Variants in CCDC30 observed in about 807,000 individuals in gnomAD.
CCDC30 encodes coiled-coil domain containing 30.
In CCDC30, 70 loss-of-function variants were observed where a neutral mutation model predicts 100.2. The observed-to-expected ratio is 0.70, with a 90% CI of 0.58 to 0.85. The LOEUF (loss-of-function observed/expected upper bound fraction) is 0.85, where lower values mean the gene tolerates loss of function less well. Among genes scored for constraint, CCDC30 ranks in the 40% least tolerant of loss-of-function variants. The pLI, the probability that CCDC30 is intolerant of heterozygous loss-of-function variation, is 0.00. For synonymous variants in CCDC30, 233 were observed against 269.5 expected, an observed-to-expected ratio of 0.86 and a Z score of 1.33; for missense variants, 652 against 771.2, an observed-to-expected ratio of 0.85 and a Z score of 1.83.
chr1:42,643,757 GAA>G (rs1647644839), intron 13 of CCDC30, among the ~76,000 whole-genome samples: 1 of 152,164 alleles, frequency 6.6e-6, no homozygotes, highest in Admixed American at 6.5e-5. Context: ...GCTAATACAT[GAA>G]AAGTTTTAAG....
At position 42,512,495 on chromosome 1, in the gene CCDC30, T is replaced by C. The variant is rs116213142; in HGVS notation, c.456+13579T>C. Among the ~76,000 whole-genome samples the C allele has an allele frequency of 6.4e-3, 982 of 152,272 alleles. 15 individuals carry two copies. The highest frequency in any genetic ancestry group is 0.023 in the African/African-American group (945 of 41,540). ...CTAGAAAATCACAACAGCATTCCCCTGAGTTATATCCTTTGTTACTATAGA... is the reference window on the plus strand; with the variant it reads ...CTAGAAAATCACAACAGCATTCCCCCGAGTTATATCCTTTGTTACTATAGA... On this transcript the variant is annotated intron_variant, in intron 6 of 16. Transcript: ENST00000668663.
chr1:42,536,438 T>A lies in CCDC30; in HGVS notation c.457-29858T>A, dbSNP rs145892745. Reference sequence around the variant, plus strand: ...TCAGAATTTGTAGGAAACACTGCTATTATATATAAAATTAATTATGTAAAA... The same window carrying A: ...TCAGAATTTGTAGGAAACACTGCTAATATATATAAAATTAATTATGTAAAA... On this transcript the variant is annotated intron_variant, in intron 6 of 16. Transcript: ENST00000668663. The A allele has an allele frequency of 5.6e-5, 72 of 1,291,694 alleles. 1 individual carries two copies. The African/African-American group carries it at 8.2e-4, about 15-fold the overall frequency. 80.0% of individuals were successfully genotyped at this position (1,291,694 alleles called of 1,614,324 possible). A position where few individuals can be genotyped will look rare whatever the true frequency, so the allele number is the denominator to read the frequency against.
At chr1:42,539,867 T>C (rs1370905471) in intron 6 of CCDC30, among the ~76,000 whole-genome samples, 1 of 151,346 alleles carries the variant, frequency 6.6e-6, no homozygotes. Context: ...TGATTGTGCC[T>C]GTGAATAGCC....
intron 6 of CCDC30, among the ~76,000 whole-genome samples, chr1:42,546,702 T>A (rs1051607815): frequency 3.3e-5 from 5 of 152,068 alleles, no homozygotes; most frequent in African/African-American, 1.2e-4. Context: ...CACTTTTCTC[T>A]TATTTATCTA....
intron 6 of CCDC30, among the ~76,000 whole-genome samples, chr1:42,532,510 A>G (rs1237414431): frequency 6.6e-6 from 1 of 152,210 alleles, no homozygotes; most frequent in Admixed American, 6.5e-5. Flanking sequence ...AATGCTAGGT[A>G]TCTGGTAGGA....
chr1:42,518,250 A>G (rs1644585058), intron 6 of CCDC30, among the ~76,000 whole-genome samples: 2 of 152,142 alleles, frequency 1.3e-5, no homozygotes, highest in Admixed American at 6.5e-5. Context: ...TTGTTTTCTT[A>G]ATTTCCTTTC....
chr1:42,490,277 T>C (rs2148465563), intron 4 of CCDC30, 48 bp downstream of exon 4: 1 of 891,540 alleles, frequency 1.1e-6, no homozygotes, highest in Non-Finnish European at 1.5e-6. Flanking sequence ...TAGCCAAGAA[T>C]GGTGGTACAC....
At chr1:42,638,808 G>A (rs1019315682) in intron 12 of CCDC30, among the ~76,000 whole-genome samples, 5 of 151,944 alleles carry the variant, frequency 3.3e-5, no homozygotes, top group African/African-American at 9.7e-5. Flanking sequence ...CCCAAGAGGC[G>A]GAGGTTGCAG....
chr1:42,525,994 A>G (rs556951939), intron 6 of CCDC30, among the ~76,000 whole-genome samples: 2 of 152,260 alleles, frequency 1.3e-5, no homozygotes, highest in South Asian at 4.2e-4. Context: ...GAAAAACTGC[A>G]GATTTCTGCA....
intron 6 of CCDC30, among the ~76,000 whole-genome samples, chr1:42,555,754 T>C (rs1033305015): frequency 3.3e-5 from 5 of 152,190 alleles, no homozygotes; most frequent in Non-Finnish European, 7.4e-5. Context: ...TGGCACAGTC[T>C]TGACTCACTG....
chr1:42,464,916 T>C (rs1196294581), intron 1 of CCDC30, among the ~76,000 whole-genome samples: 2 of 152,208 alleles, frequency 1.3e-5, no homozygotes, highest in African/African-American at 4.8e-5. Flanking sequence ...TACTGAGAAA[T>C]TCAGCTTTCT....
chr1:42,553,286 AG>A (rs1645292132), intron 6 of CCDC30, among the ~76,000 whole-genome samples: 1 of 152,032 alleles, frequency 6.6e-6, no homozygotes, highest in African/African-American at 2.4e-5. Context: ...TGAGGCAAAA[AG>A]AACACCCAGG....
intron 1 of CCDC30, among the ~76,000 whole-genome samples, chr1:42,476,089 A>G (rs1053080558): frequency 6.6e-6 from 1 of 152,338 alleles, no homozygotes; most frequent in South Asian, 2.1e-4. Context: ...GGCTGAAAAG[A>G]TAAGAGTTAC....
At chr1:42,621,673 G>T (rs981058652) in intron 11 of CCDC30, among the ~76,000 whole-genome samples, 6 of 151,988 alleles carry the variant, frequency 3.9e-5, no homozygotes, top group African/African-American at 1.4e-4. Context: ...CACCACGCAG[G>T]CTAATTTTTT....
At chr1:42,627,630 G>C (rs1380240036) in intron 11 of CCDC30, among the ~76,000 whole-genome samples, 1 of 152,176 alleles carries the variant, frequency 6.6e-6, no homozygotes, top group East Asian at 1.9e-4. Context: ...TCAGCCTAGG[G>C]ACTTGGTGCC....
rs1369643767 is a variant in CCDC30 at position 42,596,093 on chromosome 1, C to T, written c.1164+6610C>T. On this transcript the variant is annotated intron_variant, in intron 10 of 16. Coordinates refer to ENST00000668663, the Ensembl canonical transcript of CCDC30. The surrounding 1 kb of genome is among the most constrained non-coding windows in gnomAD (Gnocchi z 4.3). Reference sequence around the variant, plus strand: ...GAGGTCACAGTCCAAACCGCTACCCCGAAAATTAGAGATACCTATAGACAA... The same window carrying T: ...GAGGTCACAGTCCAAACCGCTACCCTGAAAATTAGAGATACCTATAGACAA... 1.3e-5 allele frequency among the ~76,000 whole-genome samples: 2 copies of T among 152,128 alleles called. No individual in the cohort carries two copies. Among genetic ancestry groups the T allele is most frequent in the Non-Finnish European group, 2.9e-5 (2 of 68,036 alleles).
chr1:42,635,823 A>G (rs990474854), intron 11 of CCDC30, among the ~76,000 whole-genome samples: 61 of 150,214 alleles, frequency 4.1e-4, no homozygotes, highest in Non-Finnish European at 3.8e-4. Flanking sequence ...AAAAAAAAAA[A>G]TGGCAACTCT....
At chr1:42,622,089 A>T (rs2148658832) in intron 11 of CCDC30, among the ~76,000 whole-genome samples, 1 of 152,100 alleles carries the variant, frequency 6.6e-6, no homozygotes, top group East Asian at 1.9e-4. Context: ...CAATTTCCCC[A>T]CTACTCTTCC....
chr1:42,579,975 G>A (rs1452519013), intron 8 of CCDC30, among the ~76,000 whole-genome samples: 1 of 151,726 alleles, frequency 6.6e-6, no homozygotes, highest in African/African-American at 2.4e-5. Context: ...AAAAGGAACA[G>A]CAAGGATGCG....
Sources: allele counts gnomAD v4.1 joint callset (sites outside exome capture counted in the v4.1 genomes callset), GRCh38; gene constraint gnomAD v4.1.1; non-coding constraint Gnocchi (gnomAD v3.1); transcripts MANE v1.5; gene names NCBI Gene and HGNC (gene_info 2026-07-23, HGNC 2026-07-21).